The following MAP9 variants were observed in gnomAD, a reference collection of about 807,000 sequenced individuals.
The protein encoded by MAP9 is microtubule-associated protein 9.
MAP9 carries 80 observed loss-of-function variants against 75.2 expected under a neutral mutation model. That is an observed-to-expected ratio of 1.06 (90% CI 0.89 to 1.28). MAP9 has a LOEUF of 1.28. Ranked by LOEUF, MAP9 falls within the 50% of genes most tolerant of loss-of-function variation. The pLI, the probability that MAP9 is intolerant of heterozygous loss-of-function variation, is 0.00. For missense variants in MAP9, 753 were observed against 719.9 expected (o/e 1.05, Z -0.53); for synonymous variants, 235 against 237.3 (o/e 0.99, Z 0.09).
chr4:155,351,905 TTACC>T (rs1469709147), intron 13 of MAP9, among the ~76,000 whole-genome samples: 4 of 152,004 alleles, frequency 2.6e-5, no homozygotes, highest in African/African-American at 9.7e-5. Context: ...TATGAATGTG[TTACC>T]TACTTATGTA....
chr4:155,353,185 T>C lies in MAP9; in HGVS notation c.1536A>G (p.Ala512=), dbSNP rs1731598894. The change falls in exon 11 of 14, where the codon GCA becomes GCG. Residue 512 remains alanine (A), a synonymous_variant. Coordinates refer to ENST00000311277, the MANE Select transcript of MAP9 (RefSeq NM_001039580.2). ...EEENAARKGE[A]LQAFEKWKEK... ...TGTGCAAAGTTCTGAATACTTGTAG[T>C]GCTTCTCCTTTTCTTGCAGCATTTT... The C allele has an allele frequency of 6.3e-7, 1 of 1,592,884 alleles. No individual in the cohort carries two copies. The highest frequency in any genetic ancestry group is 8.5e-7 in the Non-Finnish European group (1 of 1,172,710).
intron 4 of MAP9, among the ~76,000 whole-genome samples, chr4:155,370,006 A>C (rs1271651378): frequency 6.6e-6 from 1 of 152,146 alleles, no homozygotes; most frequent in Non-Finnish European, 1.5e-5. Context: ...CATTTACCTA[A>C]AAATGGGCTT....
At chr4:155,358,476 G>T (rs1449927444) in intron 7 of MAP9, among the ~76,000 whole-genome samples, 2 of 152,094 alleles carry the variant, frequency 1.3e-5, no homozygotes, top group African/African-American at 4.8e-5. Context: ...TGTTATAAAA[G>T]TATTGCTCAA....
chr4:155,357,603 T>A, intron 7 of MAP9, 84 bp from the exon 8 acceptor site: 1 of 770,736 alleles, frequency 1.3e-6, no homozygotes, highest in Non-Finnish European at 2.2e-6. Context: ...AGTAAATCAC[T>A]ATTCTTTAAG....
At chr4:155,374,857 G>A (rs1018563209) in intron 3 of MAP9, 80 bp downstream of exon 3, 18 of 795,020 alleles carry the variant, frequency 2.3e-5, no homozygotes, top group East Asian at 5.4e-5. Flanking sequence ...GAGGGGATGG[G>A]TGGTTGGGGG....
chr4:155,373,064 T>C (rs1732672984), intron 4 of MAP9, 72 bp downstream of exon 4: 1 of 1,026,930 alleles, frequency 9.7e-7, no homozygotes, highest in South Asian at 1.9e-5. Context: ...AGCTACCATA[T>C]AAAAATTTTG....
chr4:155,362,559 A>G (rs1732138277), intron 5 of MAP9: 1 of 153,176 alleles, frequency 6.5e-6, no homozygotes, highest in African/African-American at 2.4e-5. Flanking sequence ...AGCAAATATT[A>G]CTAGTTATCC....
chr4:155,369,147 C>T (rs1192240967), intron 4 of MAP9, among the ~76,000 whole-genome samples: 1 of 151,818 alleles, frequency 6.6e-6, no homozygotes, highest in African/African-American at 2.4e-5. Context: ...ACGGTGAAAC[C>T]CTGTCTCTAC....
intron 13 of MAP9, chr4:155,349,714 C>A (rs1189248083): frequency 1.3e-5 from 2 of 152,156 alleles, no homozygotes; most frequent in Non-Finnish European, 2.9e-5. Flanking sequence ...GTAATTAGAT[C>A]ATCTTCAATC....
chr4:155,355,960 C>T lies in MAP9; in HGVS notation c.1122-76G>A, dbSNP rs118121124. On this transcript the variant is annotated intron_variant, in intron 8 of 13. Coordinates refer to ENST00000311277, the MANE Select transcript of MAP9 (RefSeq NM_001039580.2). The stretch of plus-strand genomic sequence containing the variant: ...GAAGAGAGATCTGTTAGAATATGCA[C>T]GTATAATATTTGAAAACTGGCCAGG... 321 of 1,305,006 alleles carry T rather than the reference C, an allele frequency of 2.5e-4. 1 individual carries two copies. The East Asian group carries it at 3.8e-3, about 15-fold the overall frequency. The allele number at this position is 1,305,006 out of a possible 1,614,324, so 80.8% of individuals were successfully genotyped here.
chr4:155,355,010 T>C, intron 10 of MAP9, 61 bp downstream of exon 10: 1 of 691,170 alleles, frequency 1.4e-6, no homozygotes, highest in Non-Finnish European at 2.4e-6. Context: ...AAGTTATATA[T>C]TCAGGGATAT....
At position 155,345,571 on chromosome 4, in the gene MAP9, C is replaced by G. The variant is rs1385917630; in HGVS notation, c.*2212G>C. 1 of 151,800 alleles carries G rather than the reference C, an allele frequency of 6.6e-6. No homozygotes were observed. Among genetic ancestry groups the G allele is most frequent in the African/African-American group, 2.4e-5 (1 of 41,288 alleles). 9.4% of individuals were successfully genotyped at this position (151,800 alleles called of 1,614,324 possible). A position where few individuals can be genotyped will look rare whatever the true frequency, so the allele number is the denominator to read the frequency against. ...TATCAACCCTATCTATGTTAATGTTCGCACACTCATGAATGGGGAAATGTA... is the reference window on the plus strand; with the variant it reads ...TATCAACCCTATCTATGTTAATGTTGGCACACTCATGAATGGGGAAATGTA... On this transcript the variant is annotated 3_prime_UTR_variant, in exon 14 of 14. Coordinates refer to ENST00000311277, the MANE Select transcript of MAP9 (RefSeq NM_001039580.2).
At position 155,368,772 on chromosome 4, in the gene MAP9, T is replaced by C; in HGVS notation, c.522A>G (p.Pro174=). ...NSLDTDDHFK[P]SPRPRSMLKK... ...TCAACATACTCCTTGGCCGAGGTGA[T>C]GGTTTAAAGTGATCATCTGTGTCAA... Residue 174 remains proline, a synonymous_variant, in exon 5 of 14, where the codon CCA becomes CCG. Coordinates refer to ENST00000311277, the MANE Select transcript of MAP9 (RefSeq NM_001039580.2). The C allele has an allele frequency of 6.2e-7, 1 of 1,613,392 alleles. No individual in the cohort carries two copies. The highest frequency in any genetic ancestry group is 8.5e-7 in the Non-Finnish European group (1 of 1,179,584).
chr4:155,376,032 C>T (rs545742610), intron 1 of MAP9, 118 bp from the exon 2 acceptor site: 107 of 429,116 alleles, frequency 2.5e-4, no homozygotes, highest in Admixed American at 1.0e-3. Flanking sequence ...TGGGCTACAT[C>T]TTCACTTAAA....
chr4:155,375,376 G>C (rs527251909), intron 2 of MAP9, among the ~76,000 whole-genome samples: 21 of 152,148 alleles, frequency 1.4e-4, no homozygotes, highest in African/African-American at 4.8e-4. Context: ...AAAGAAATTG[G>C]TATTTTTAAG....
chr4:155,356,359 A>T (rs1300456559), intron 8 of MAP9, among the ~76,000 whole-genome samples: 1 of 152,164 alleles, frequency 6.6e-6, no homozygotes. Flanking sequence ...TATACAAAGA[A>T]TATTAAATTA....
chr4:155,376,576 G>C (rs985459282), intron 1 of MAP9, 195 bp downstream of exon 1: 2 of 152,584 alleles, frequency 1.3e-5, no homozygotes, highest in African/African-American at 2.4e-5. Flanking sequence ...GGTGACGTCC[G>C]GGTGCTCGCC....
chr4:155,374,920 T>A lies in MAP9; in HGVS notation c.160+17A>T. The A allele has an allele frequency of 6.6e-7, 1 of 1,504,384 alleles. No individual in the cohort carries two copies. Among genetic ancestry groups the A allele is most frequent in the Non-Finnish European group, 9.1e-7 (1 of 1,104,386 alleles). 93.2% of individuals were successfully genotyped at this position (1,504,384 alleles called of 1,614,324 possible). A position where few individuals can be genotyped will look rare whatever the true frequency, so the allele number is the denominator to read the frequency against. On this transcript the variant is annotated intron_variant, in intron 3 of 13. Coordinates refer to ENST00000311277, the MANE Select transcript of MAP9 (RefSeq NM_001039580.2). ...AAAAAGAAGAAAAGTGGTTCACGTT[T>A]CCATACTGTCACATACCAATCTCAT... is the stretch of plus-strand genomic sequence containing the variant.
rs759388615 is a variant in MAP9 at position 155,375,024 on chromosome 4, G to A, written c.76-3C>T. 2 of 1,553,058 alleles carry A rather than the reference G, an allele frequency of 1.3e-6. No individual in the cohort carries two copies. Among genetic ancestry groups the A allele is most frequent in the Admixed American group, 1.7e-5 (1 of 57,524 alleles). On this transcript the variant is annotated splice_polypyrimidine_tract_variant and splice_region_variant and intron_variant, in intron 2 of 13. Coordinates refer to ENST00000311277, the MANE Select transcript of MAP9 (RefSeq NM_001039580.2). Reference sequence around the variant, plus strand: ...GTAATTGCTCTTATTAGCTCATCCTGAAATGAGATACTGAAATCAATTTCC... The same window carrying A: ...GTAATTGCTCTTATTAGCTCATCCTAAAATGAGATACTGAAATCAATTTCC...
Sources: allele counts gnomAD v4.1 joint callset (sites outside exome capture counted in the v4.1 genomes callset), GRCh38; gene constraint gnomAD v4.1.1; transcripts MANE v1.5; gene names NCBI Gene and HGNC (gene_info 2026-07-23, HGNC 2026-07-21).